Variants in MYH14 observed in about 807,000 individuals in gnomAD.
The protein encoded by MYH14 is myosin heavy chain 14.
A neutral mutation model predicts 255.5 loss-of-function variants in MYH14; 123 were observed. That is an observed-to-expected ratio of 0.48 (90% CI 0.42 to 0.56). MYH14 has a LOEUF of 0.56. Among genes scored for constraint, MYH14 ranks in the 20% least tolerant of loss-of-function variants. MYH14 has a pLI of 0.00. For synonymous variants in MYH14, 1,095 were observed against 1,161.2 expected (o/e 0.94, Z 1.16); for missense variants, 2,423 against 2,802.3 (o/e 0.86, Z 3.06).
rs760069033 is a variant in MYH14, at chr19:50,293,541, C to T, written c.5346-23C>T. 6.2e-7 allele frequency: 1 copy of T among 1,611,662 alleles called. No individual in the cohort carries two copies. The highest frequency in any genetic ancestry group is 1.7e-5 in the Admixed American group (1 of 59,778). ...CCTCTGACCATCCTGTCCTTTCATC[C>T]CCACGCCTTCCTGTCTCCCTAGGGC... On this transcript the variant is annotated intron_variant, in intron 38 of 42. Coordinates refer to ENST00000642316, the MANE Select transcript of MYH14 (RefSeq NM_001145809.2). The surrounding 1 kb of genome is among the most constrained non-coding windows in gnomAD (Gnocchi z 4.1).
Position 50,307,095 on chromosome 19 carries a change from CT to C in MYH14, c.5727del (p.Glu1911ArgfsTer30), listed in dbSNP as rs1270436646. The C allele has an allele frequency of 6.4e-7, 1 of 1,551,058 alleles. No individual in the cohort carries two copies. The highest frequency in any genetic ancestry group is 8.7e-7 in the Non-Finnish European group (1 of 1,146,928). On this transcript the variant is annotated frameshift_variant, in exon 41 of 43. Coordinates refer to ENST00000642316, the MANE Select transcript of MYH14 (RefSeq NM_001145809.2). LOFTEE classifies it high-confidence loss of function. The stretch of plus-strand genomic sequence containing the variant: ...GCTGGTGCGCAGAGCTGAGAAGCGG[CT>C]TAAAGAGGTGGTGCTCCAGGTGGAG... ...GKLVRRAEKR[L>X]KEVVLQVEEE...
chr19:50,242,172 G>C (rs2033919333), intron 10 of MYH14, among the ~76,000 whole-genome samples: 1 of 152,152 alleles, frequency 6.6e-6, no homozygotes, highest in Non-Finnish European at 1.5e-5. Context: ...CCCTCCACAA[G>C]TTCCTGAGAC....
At chr19:50,283,861 T>C (rs1464418261) in intron 33 of MYH14, among the ~76,000 whole-genome samples, 1 of 152,168 alleles carries the variant, frequency 6.6e-6, no homozygotes, top group Non-Finnish European at 1.5e-5. Flanking sequence ...TCACCTGAGG[T>C]TGGGAGTTTG....
Position 50,267,002 on chromosome 19 carries a change from G to A in MYH14, c.2820G>A (p.Val940=). The A allele has an allele frequency of 6.4e-7, 1 of 1,563,984 alleles. No homozygotes were observed. The highest frequency in any genetic ancestry group is 8.7e-7 in the Non-Finnish European group (1 of 1,155,346). ...AREVGELQGR[V]AQLEEERARL... ...AAGTTGGGGAGCTCCAGGGCCGAGT[G>A]GCACAGGTGAGGGGGCGGGGGCAGG... Residue 940 remains valine, a synonymous_variant, in exon 23 of 43, where the codon GTG becomes GTA. Transcript: ENST00000642316.
intron 1 of MYH14, 32 bp from the exon 2 acceptor site, chr19:50,210,331 C>G (rs2032104433): frequency 6.4e-7 from 1 of 1,551,206 alleles, no homozygotes; most frequent in Admixed American, 1.9e-5. Context: ...GGAGCCCCAT[C>G]TGACCCCCAC....
chr19:50,226,976 C>G lies in MYH14; in HGVS notation c.874+10C>G, dbSNP rs1362383423. 6.2e-7 allele frequency: 1 copy of G among 1,613,566 alleles called. No individual in the cohort carries two copies. The highest frequency in any genetic ancestry group is 1.7e-5 in the Admixed American group (1 of 59,976). ...GCCAACATTGAGACCTGTATCCTCT[C>G]ACAGCCCATGGGGGTGGCAGCCAAG... On this transcript the variant is annotated intron_variant, in intron 8 of 42. Coordinates refer to ENST00000642316, the MANE Select transcript of MYH14 (RefSeq NM_001145809.2).
Position 50,256,607 on chromosome 19 carries a change from T to C in MYH14, c.2045-692T>C, listed in dbSNP as rs1234821313. On this transcript the variant is annotated intron_variant, in intron 17 of 42. Transcript: ENST00000642316. Reference sequence around the variant, plus strand: ...CAGGCTGGCCTCGAACTCCTGACCTTAGGTGATCCACCCGCCTTGGCCTCC... The same window carrying C: ...CAGGCTGGCCTCGAACTCCTGACCTCAGGTGATCCACCCGCCTTGGCCTCC... Among the ~76,000 whole-genome samples, 3 of 152,102 alleles carry C rather than the reference T, an allele frequency of 2.0e-5. No individual in the cohort carries two copies. The East Asian group carries it at 5.8e-4, about 29-fold the overall frequency.
intron 11 of MYH14, 115 bp downstream of exon 11, chr19:50,244,452 C>A: frequency 1.3e-6 from 1 of 769,934 alleles, no homozygotes; most frequent in Non-Finnish European, 2.3e-6. Flanking sequence ...CACCTGTCTC[C>A]AACCCAGGAT....
In MYH14 at chr19:50,261,590, T is replaced by A; in HGVS notation, c.2540T>A (p.Ile847Asn). 2 of 1,603,752 alleles carry A rather than the reference T, an allele frequency of 1.2e-6. No homozygotes were observed. The highest frequency in any genetic ancestry group is 1.7e-6 in the Non-Finnish European group (2 of 1,176,500). The part of the protein sequence containing the change: ...EEERDLKVTD[I>N]IVSFQAAARG... ...GAGCGAGACCTGAAGGTCACCGACA[T>A]CATCGTCTCCTTCCAGGCAGCTGCC... The change falls in exon 21 of 43, where the codon ATC (isoleucine) becomes AAC (asparagine). Residue 847 changes from isoleucine (I) to asparagine (N), a missense_variant. By Grantham distance (149) the Ile-to-Asn change is moderately radical. This residue lies in a region of MYH14 where 1,513 missense variants were observed against 1,674.8 expected (regional missense o/e 0.90). Coordinates refer to ENST00000642316, the MANE Select transcript of MYH14 (RefSeq NM_001145809.2).
chr19:50,210,899 TC>T (rs2032161609), intron 2 of MYH14, 129 bp downstream of exon 2: 6 of 1,426,154 alleles, frequency 4.2e-6, no homozygotes, highest in African/African-American at 1.5e-5. Flanking sequence ...CCGTGACTGT[TC>T]CTACACTTAC....
intron 42 of MYH14, 192 bp downstream of exon 42, chr19:50,309,369 C>T (rs1053500357): frequency 1.9e-5 from 12 of 635,934 alleles, no homozygotes; most frequent in Non-Finnish European, 3.1e-5. Flanking sequence ...ACCCATTTCT[C>T]CCTGTCATCT....
At position 50,280,977 on chromosome 19, in the gene MYH14, G is replaced by A. The variant is rs2035698557; in HGVS notation, c.4290+594G>A. The stretch of plus-strand genomic sequence containing the variant: ...CTCTTTCTCCTCTGTCCCAACTCCA[G>A]TCACCTTGGGCTGGGACTGTCTCTG... On this transcript the variant is annotated intron_variant, in intron 32 of 42. Transcript: ENST00000642316. The surrounding 1 kb of genome is among the most constrained non-coding windows in gnomAD (Gnocchi z 4.8). Among the ~76,000 whole-genome samples the A allele has an allele frequency of 6.6e-6, 1 of 152,138 alleles. No homozygotes were observed. The highest frequency in any genetic ancestry group is 2.1e-4 in the South Asian group (1 of 4,830).
intron 33 of MYH14, among the ~76,000 whole-genome samples, chr19:50,284,295 T>C (rs908423323): frequency 6.6e-6 from 1 of 152,106 alleles, no homozygotes; most frequent in East Asian, 1.9e-4. Flanking sequence ...GTATTGTATA[T>C]AAGAAATTTT....
At chr19:50,251,211 G>A (rs936125902) in intron 15 of MYH14, among the ~76,000 whole-genome samples, 3 of 152,182 alleles carry the variant, frequency 2.0e-5, no homozygotes, top group African/African-American at 4.8e-5. Flanking sequence ...GTCAAGGGCC[G>A]GCAAACATTT....
At chr19:50,290,521 G>T (rs990297592) in intron 35 of MYH14, among the ~76,000 whole-genome samples, 12 of 152,186 alleles carry the variant, frequency 7.9e-5, no homozygotes, top group Non-Finnish European at 1.3e-4. Context: ...GTGACCTAAG[G>T]CCAGGGGTCT....
At position 50,221,965 on chromosome 19, in the gene MYH14, C is replaced by T. The variant is rs1387855747; in HGVS notation, c.563-1118C>T. 8.5e-5 allele frequency among the ~76,000 whole-genome samples: 13 copies of T among 152,278 alleles called. No individual in the cohort carries two copies. In the East Asian group the frequency reaches 1.7e-3, roughly 20 times the overall value. On this transcript the variant is annotated intron_variant, in intron 3 of 42. Transcript: ENST00000642316. The surrounding 1 kb of genome is among the most constrained non-coding windows in gnomAD (Gnocchi z 5.3). ...CCCCAAGTCAATTCTTATTACCTAA[C>T]ACCAGGGTTTTGGAATCCTGGCTCT...
At chr19:50,302,795 G>A (rs572963868) in intron 40 of MYH14, among the ~76,000 whole-genome samples, 15 of 152,008 alleles carry the variant, frequency 9.9e-5, no homozygotes, top group Non-Finnish European at 1.5e-4. Context: ...CCAGCTACTC[G>A]GGAGGCTGAG....
chr19:50,290,768 G>A, intron 35 of MYH14, 119 bp from the exon 36 acceptor site: 3 of 1,028,356 alleles, frequency 2.9e-6, no homozygotes, highest in Non-Finnish European at 4.3e-6. Context: ...GTCAGGGAGT[G>A]AGAGGAGCGG....
chr19:50,267,146 A>C, intron 23 of MYH14, 138 bp downstream of exon 23: 1 of 870,856 alleles, frequency 1.1e-6, no homozygotes, highest in African/African-American at 1.7e-5. Context: ...GATGGGAGCA[A>C]AGCTAAGGTG....
Sources: allele counts gnomAD v4.1 joint callset (sites outside exome capture counted in the v4.1 genomes callset), GRCh38; gene constraint gnomAD v4.1.1; regional missense constraint gnomAD v4.1.1; non-coding constraint Gnocchi (gnomAD v3.1); transcripts MANE v1.5; gene names NCBI Gene and HGNC (gene_info 2026-07-23, HGNC 2026-07-21).